PALB2: variants seen among roughly 807,000 people sequenced by gnomAD.
The protein encoded by PALB2 is partner and localizer of BRCA2.
In PALB2, 82 loss-of-function variants were observed where a neutral mutation model predicts 107.4. That is an observed-to-expected ratio of 0.76 (90% CI 0.64 to 0.92). The LOEUF (loss-of-function observed/expected upper bound fraction) is 0.92, where lower values mean the gene tolerates loss of function less well. Among genes scored for constraint, PALB2 ranks in the 40% least tolerant of loss-of-function variants. PALB2 has a pLI of 0.00. For missense variants in PALB2, 1,374 were observed against 1,379.9 expected (o/e 1.00, Z 0.07); for synonymous variants, 489 against 496.8 (o/e 0.98, Z 0.21).
chr16:23,636,385 C>A (rs1450444443), intron 3 of PALB2, 51 bp from the exon 4 acceptor site: 3 of 1,231,072 alleles, frequency 2.4e-6, no homozygotes, highest in Admixed American at 2.5e-5. Flanking sequence ...TAAAATAAAA[C>A]AAAAAATACT....
chr16:23,633,840 A>T (rs1206194891), intron 4 of PALB2, among the ~76,000 whole-genome samples: 1 of 152,050 alleles, frequency 6.6e-6, no homozygotes, highest in East Asian at 1.9e-4. Flanking sequence ...AGTAGCTGAA[A>T]CCACAGGCAT....
At position 23,608,851 on chromosome 16, in the gene PALB2, C is replaced by T. The variant is rs1217365960; in HGVS notation, c.3202-839G>A. Among the ~76,000 whole-genome samples the T allele has an allele frequency of 4.7e-5, 6 of 126,462 alleles. No homozygotes were observed. In the South Asian group the frequency reaches 1.0e-3, roughly 21 times the overall value. 83.0% of individuals were successfully genotyped at this position (126,462 alleles called of 152,430 possible). Reference sequence around the variant, plus strand: ...ATATACAGATTTTTTTTTTTTGAGACGGAGTTTCGCTCGTTGCCCAGGCTG... The same window carrying T: ...ATATACAGATTTTTTTTTTTTGAGATGGAGTTTCGCTCGTTGCCCAGGCTG... On this transcript the variant is annotated intron_variant, in intron 11 of 12. Coordinates refer to ENST00000261584, the MANE Select transcript of PALB2 (RefSeq NM_024675.4).
At chr16:23,623,217 T>A (rs1312074855) in intron 8 of PALB2, 87 bp from the exon 9 acceptor site, 1 of 1,251,734 alleles carries the variant, frequency 8.0e-7, no homozygotes, top group African/African-American at 1.5e-5. Flanking sequence ...TTTTTTTTTT[T>A]TTTTGAGACA....
At chr16:23,640,993 G>A in intron 1 of PALB2, 117 bp downstream of exon 1, 1 of 1,150,864 alleles carries the variant, frequency 8.7e-7, no homozygotes, top group Non-Finnish European at 1.3e-6. Context: ...GCCCTAAGAG[G>A]AGGGGGTGGT....
rs376619846 is a variant in PALB2, at chr16:23,621,419, A to G, written c.3056T>C (p.Val1019Ala). The change falls in exon 10 of 13, where the codon GTC becomes GCC. Residue 1019 changes from valine to alanine, a missense_variant. Physicochemically the swap from Val to Ala is moderately conservative, Grantham distance 64 (BLOSUM62 0). Coordinates refer to ENST00000261584, the MANE Select transcript of PALB2 (RefSeq NM_024675.4). ...AAGCAGAGCTTCTTGCATCCCTTGG[A>G]CCTCAGCAAAAGTTAGTATAGTCTC... ...PEETILTFAEVQGMQEALLGT... is the reference protein window; with the variant it reads ...PEETILTFAEAQGMQEALLGT... 1.3e-5 allele frequency: 21 copies of G among 1,614,032 alleles called. No individual in the cohort carries two copies. The African/African-American group carries it at 2.4e-4, about 18-fold the overall frequency.
rs78179744 is a variant in PALB2 at position 23,626,311 on chromosome 16, G to C, written c.2673C>G (p.Cys891Trp). Reference protein sequence around the residue: ...GCKEPCIITACEDVVSLWKAL... With the variant: ...GCKEPCIITAWEDVVSLWKAL... ...CTTTCCAAAGAGAAACTACATCTTCGCAAGCAGTTATGATACATGGCTCTT... is the reference window on the plus strand; with the variant it reads ...CTTTCCAAAGAGAAACTACATCTTCCCAAGCAGTTATGATACATGGCTCTT... Residue 891 changes from cysteine to tryptophan, a missense_variant, in exon 7 of 13, where the codon TGC (cysteine) becomes TGG (tryptophan). Physicochemically the swap from Cys to Trp is radical, Grantham distance 215. Coordinates refer to ENST00000261584, the MANE Select transcript of PALB2 (RefSeq NM_024675.4). The C allele has an allele frequency of 6.2e-7, 1 of 1,614,096 alleles. No homozygotes were observed. The highest frequency in any genetic ancestry group is 2.2e-5 in the East Asian group (1 of 44,872).
At position 23,629,916 on chromosome 16, in the gene PALB2, T is replaced by C. The variant is rs1597089677; in HGVS notation, c.2238A>G (p.Ala746=). 1 of 1,614,228 alleles carries C rather than the reference T, an allele frequency of 6.2e-7. No homozygotes were observed. ...AAGTTCGTCCAGCAACTTCTGTAGA[T>C]GCTTTTTCATAGGAGCCTTGAGGGC... is the stretch of plus-strand genomic sequence containing the variant. ...AFGPQGSYEK[A]STEVAGRTCC... The change falls in exon 5 of 13, where the codon GCA becomes GCG. Residue 746 remains alanine (A), a synonymous_variant. Transcript: ENST00000261584.
At position 23,626,324 on chromosome 16, in the gene PALB2, A is replaced by C. The variant is rs45550935; in HGVS notation, c.2660T>G (p.Ile887Ser). 8.7e-6 allele frequency: 14 copies of C among 1,614,224 alleles called. No individual in the cohort carries two copies. Among genetic ancestry groups the C allele is most frequent in the Non-Finnish European group, 1.2e-5 (14 of 1,180,038 alleles). Residue 887 changes from isoleucine to serine, a missense_variant, in exon 7 of 13, where the codon ATC becomes AGC. By Grantham distance (142) the Ile-to-Ser change is moderately radical. Transcript: ENST00000261584. ...AACTACATCTTCGCAAGCAGTTATG[A>C]TACATGGCTCTTTACAACCGGCTCT... The part of the protein sequence containing the change: ...WERAGCKEPC[I>S]ITACEDVVSL...
intron 11 of PALB2, among the ~76,000 whole-genome samples, chr16:23,612,915 C>T (rs920456304): frequency 2.0e-5 from 3 of 151,866 alleles, no homozygotes; most frequent in Non-Finnish European, 2.9e-5. Context: ...ACCACGCCCA[C>T]CTAATTTTTG....
chr16:23,612,393 A>G (rs1966603023), intron 11 of PALB2, among the ~76,000 whole-genome samples: 1 of 150,370 alleles, frequency 6.7e-6, no homozygotes, highest in South Asian at 2.1e-4. Flanking sequence ...TAATTTTTGT[A>G]GTTTTAGTAG....
Position 23,635,697 on chromosome 16 carries a change from A to C in PALB2, c.849T>G (p.Phe283Leu). ...LTTHDLKNIR[F>L]TSPVSLEAQG... ...GTGCCTCCAAACTTACAGGTGAAGT[A>C]AATCTAATGTTTTTTAGGTCGTGAG... Residue 283 changes from phenylalanine (F) to leucine (L), a missense_variant, in exon 4 of 13, where the codon TTT becomes TTG. Phe to Leu is a conservative substitution (Grantham distance 22). Coordinates refer to ENST00000261584, the MANE Select transcript of PALB2 (RefSeq NM_024675.4). The C allele has an allele frequency of 6.2e-7, 1 of 1,614,158 alleles. No homozygotes were observed. Among genetic ancestry groups the C allele is most frequent in the Non-Finnish European group, 8.5e-7 (1 of 1,180,008 alleles).
Position 23,634,820 on chromosome 16 carries a change from TTCATCA to T in PALB2, c.1684+36_1684+41del, listed in dbSNP as rs368593832. 6.3e-7 allele frequency: 1 copy of T among 1,582,816 alleles called. No individual in the cohort carries two copies. The highest frequency in any genetic ancestry group is 1.1e-5 in the South Asian group (1 of 87,840). ...GCCAGGCAAATAGTAATTGTTAACT[TTCATCA>T]TCATCATCATCATCATCAAACACAT... is the stretch of plus-strand genomic sequence containing the variant. On this transcript the variant is annotated intron_variant, in intron 4 of 12. Transcript: ENST00000261584.
chr16:23,605,065 C>T (rs1258416723), intron 12 of PALB2, among the ~76,000 whole-genome samples: 1 of 151,896 alleles, frequency 6.6e-6, no homozygotes, highest in Non-Finnish European at 1.5e-5. Context: ...CAGAGAGAAA[C>T]TCCGTCTCAA....
chr16:23,608,953 A>C (rs887618729), intron 11 of PALB2, among the ~76,000 whole-genome samples: 2 of 151,396 alleles, frequency 1.3e-5, no homozygotes, highest in African/African-American at 2.4e-5. Context: ...TCAGCCTCCC[A>C]AGTAGCTGGG....
chr16:23,615,264 T>C (rs1966665532), intron 10 of PALB2, among the ~76,000 whole-genome samples: 1 of 151,514 alleles, frequency 6.6e-6, no homozygotes, highest in Non-Finnish European at 1.5e-5. Context: ...CCCAGCTTTA[T>C]TGAGGATTTG....
At position 23,629,974 on chromosome 16, in the gene PALB2, G is replaced by A. The variant is rs2142378959; in HGVS notation, c.2180C>T (p.Ala727Val). The change falls in exon 5 of 13, where the codon GCT (alanine) becomes GTT (valine). Residue 727 changes from alanine (A) to valine (V), a missense_variant. Transcript: ENST00000261584. ...DRPTTDMCSP[A>V]FPILGTTPAF... ...TGGAGTAGTACCTAAGATGGGGAAA[G>A]CAGGTGAACACATGTCTGTGGTAGG... 1.9e-6 allele frequency: 3 copies of A among 1,614,222 alleles called. No individual in the cohort carries two copies. The highest frequency in any genetic ancestry group is 2.5e-6 in the Non-Finnish European group (3 of 1,180,044).
chr16:23,614,124 T>C (rs1966638162), intron 10 of PALB2, 33 bp from the exon 11 acceptor site: 2 of 1,444,732 alleles, frequency 1.4e-6, no homozygotes, highest in Non-Finnish European at 1.9e-6. Context: ...GCTGATCACA[T>C]TCTTCCAACA....
intron 9 of PALB2, 77 bp downstream of exon 9, chr16:23,622,892 T>G: frequency 6.4e-7 from 1 of 1,554,644 alleles, no homozygotes. Flanking sequence ...GAGATCCTAG[T>G]TACCCAACTT....
chr16:23,617,565 AT>A (rs1400727488), intron 10 of PALB2: 1 of 143,408 alleles, frequency 7.0e-6, no homozygotes, highest in Non-Finnish European at 1.5e-5. Flanking sequence ...ACAAAAAAAA[AT>A]TAAAAAAAAA....
Sources: gnomAD v4.1 joint callset for allele counts (sites outside exome capture counted in the v4.1 genomes callset) on GRCh38, gnomAD v4.1.1 for gene constraint, MANE v1.5 for transcripts, NCBI Gene and HGNC (gene_info 2026-07-23, HGNC 2026-07-21) for gene names.